The following LMNTD1 variants were observed in gnomAD, a reference collection of about 807,000 sequenced individuals.
LMNTD1 encodes lamin tail domain-containing protein 1.
In LMNTD1, 35 loss-of-function variants were observed where a neutral mutation model predicts 50.9. That is an observed-to-expected ratio of 0.69 (90% confidence interval 0.53 to 0.91). The LOEUF (loss-of-function observed/expected upper bound fraction) is 0.91. Among genes scored for constraint, LMNTD1 ranks in the 40% least tolerant of loss-of-function variants. The probability of loss-of-function intolerance (pLI) is 0.00; values close to 1 mark genes in which losing one functional copy is unlikely to be tolerated. For synonymous variants in LMNTD1, 153 were observed against 161.9 expected (o/e 0.94, Z 0.42); for missense variants, 470 against 475.5 (o/e 0.99, Z 0.11).
chr12:25,524,987 T>C (rs1436292065), intron 6 of LMNTD1, among the ~76,000 whole-genome samples: 1 of 152,150 alleles, frequency 6.6e-6, no homozygotes, highest in African/African-American at 2.4e-5. Context: ...CATCTCAACA[T>C]AGATTATATT....
intron 8 of LMNTD1, 145 bp downstream of exon 8, chr12:25,518,650 C>T: frequency 1.4e-6 from 1 of 693,554 alleles, no homozygotes; most frequent in Non-Finnish European, 2.5e-6. Flanking sequence ...GAATGGTTAA[C>T]AATACTTCCT....
chr12:25,638,868 A>G (rs1042567220), intron 1 of LMNTD1, among the ~76,000 whole-genome samples: 5 of 152,142 alleles, frequency 3.3e-5, no homozygotes, highest in African/African-American at 1.2e-4. Context: ...TAACCAAAAC[A>G]ATCTGGAGAA....
intron 4 of LMNTD1, among the ~76,000 whole-genome samples, chr12:25,541,914 C>T (rs1301995564): frequency 1.3e-5 from 2 of 151,666 alleles, no homozygotes; most frequent in African/African-American, 2.4e-5. Flanking sequence ...GGGCGAAGGA[C>T]ATGAACAGAC....
At chr12:25,613,231 A>C (rs1028902159) in intron 1 of LMNTD1, among the ~76,000 whole-genome samples, 2 of 152,176 alleles carry the variant, frequency 1.3e-5, no homozygotes, top group Admixed American at 1.3e-4. Flanking sequence ...TAGCAACAGA[A>C]AGTCAATGCA....
intron 1 of LMNTD1, among the ~76,000 whole-genome samples, chr12:25,588,766 C>G (rs569889723): frequency 4.6e-5 from 7 of 151,900 alleles, no homozygotes; most frequent in African/African-American, 1.4e-4. Context: ...TGTATTTTTG[C>G]AAATTATTTC....
At chr12:25,617,683 T>G (rs756695097) in intron 1 of LMNTD1, among the ~76,000 whole-genome samples, 3 of 152,190 alleles carry the variant, frequency 2.0e-5, no homozygotes, top group Non-Finnish European at 2.9e-5. Flanking sequence ...CTTCTTTCTT[T>G]CAAAAGTTCA....
chr12:25,601,911 A>G (rs972396225), intron 1 of LMNTD1, among the ~76,000 whole-genome samples: 1 of 151,950 alleles, frequency 6.6e-6, no homozygotes, highest in Non-Finnish European at 1.5e-5. Flanking sequence ...TTAAACATTT[A>G]TCATTTCTTT....
chr12:25,502,241 T>C (rs1352361423), intron 9 of LMNTD1, among the ~76,000 whole-genome samples: 1 of 152,214 alleles, frequency 6.6e-6, no homozygotes, highest in Admixed American at 6.5e-5. Flanking sequence ...CCCCTTTTTT[T>C]TTGTATACAA....
At chr12:25,605,250 T>C (rs1397512949) in intron 1 of LMNTD1, among the ~76,000 whole-genome samples, 2 of 152,204 alleles carry the variant, frequency 1.3e-5, no homozygotes, top group East Asian at 1.9e-4. Context: ...ATTAGCCCTT[T>C]GTCAGATGAG....
chr12:25,543,098 C>T (rs979074234), intron 4 of LMNTD1, among the ~76,000 whole-genome samples: 3 of 151,878 alleles, frequency 2.0e-5, no homozygotes, highest in South Asian at 2.1e-4. Context: ...ATTAGAATAG[C>T]CTAATATCTA....
chr12:25,506,805 G>T (rs1444337564), intron 8 of LMNTD1, among the ~76,000 whole-genome samples: 2 of 151,520 alleles, frequency 1.3e-5, no homozygotes, highest in Admixed American at 1.3e-4. Flanking sequence ...AAATGTTAAT[G>T]AATAATATAA....
At chr12:25,545,604 G>T (rs531065432) in intron 4 of LMNTD1, among the ~76,000 whole-genome samples, 1 of 151,676 alleles carries the variant, frequency 6.6e-6, no homozygotes, top group South Asian at 2.1e-4. Context: ...ATTTTATTTT[G>T]TTCCAAACTG....
chr12:25,489,457 G>A (rs1938805993), intron 9 of LMNTD1, among the ~76,000 whole-genome samples: 1 of 149,530 alleles, frequency 6.7e-6, no homozygotes, highest in Non-Finnish European at 1.5e-5. Flanking sequence ...GCGCTTCCCA[G>A]GTGAGGCAAT....
intron 1 of LMNTD1, among the ~76,000 whole-genome samples, chr12:25,589,346 G>A (rs1215435637): frequency 6.6e-6 from 1 of 152,000 alleles, no homozygotes; most frequent in Non-Finnish European, 1.5e-5. Flanking sequence ...AAAATTATAG[G>A]CACACACATA....
chr12:25,579,524 A>T lies in LMNTD1; in HGVS notation c.59-32970T>A, dbSNP rs567996152. Among the ~76,000 whole-genome samples, 3 of 152,232 alleles carry T rather than the reference A, an allele frequency of 2.0e-5. No individual in the cohort carries two copies. The East Asian group carries it at 5.8e-4, about 29-fold the overall frequency. The stretch of plus-strand genomic sequence containing the variant: ...GACTATACAAGGCATCGACTAATAA[A>T]TAGGGCAGGTGCTATCAGTTATCTA... On this transcript the variant is annotated intron_variant, in intron 1 of 7. Coordinates refer to the LMNTD1 transcript ENST00000445693.
chr12:25,605,966 C>T (rs1946090690), intron 1 of LMNTD1, among the ~76,000 whole-genome samples: 1 of 152,190 alleles, frequency 6.6e-6, no homozygotes, highest in African/African-American at 2.4e-5. Context: ...TATCCATGAG[C>T]ATGGAATGTT....
chr12:25,594,651 C>CAAAAAAAAAAAAAAAAAAAAAAAAAAA (rs61299586), intron 1 of LMNTD1, among the ~76,000 whole-genome samples: 6 of 69,902 alleles, frequency 8.6e-5, no homozygotes, highest in African/African-American at 2.3e-4. Flanking sequence ...AACAGAAATA[C>CAAAAAAAAAAAAAAAAAAAAAAAAAAA]AAAAAAAAAA....
chr12:25,499,713 G>C (rs546132617), intron 9 of LMNTD1: 27 of 151,302 alleles, frequency 1.8e-4, no homozygotes, highest in African/African-American at 6.5e-4. Flanking sequence ...AAAGAAACCA[G>C]GTAACATACT....
At chr12:25,516,154 C>T (rs1940749567) in intron 8 of LMNTD1, among the ~76,000 whole-genome samples, 1 of 151,988 alleles carries the variant, frequency 6.6e-6, no homozygotes, top group Non-Finnish European at 1.5e-5. Flanking sequence ...TTCTTTGTGG[C>T]CATCTTTTGT....
Sources: allele counts gnomAD v4.1 joint callset (sites outside exome capture counted in the v4.1 genomes callset), GRCh38; gene constraint gnomAD v4.1.1; transcripts MANE v1.5; gene names NCBI Gene and HGNC (gene_info 2026-07-23, HGNC 2026-07-21).